Variants in NBPF20 observed in about 807,000 individuals in gnomAD.
NBPF20 encodes NBPF member 20, also known as NBPF family member NBPF20.
NBPF20 carries 90 observed loss-of-function variants against 68.1 expected under a neutral mutation model. That is an observed-to-expected ratio of 1.32 (90% CI 1.11 to 1.58). The LOEUF (loss-of-function observed/expected upper bound fraction) is 1.58, where lower values mean the gene tolerates loss of function less well. Among genes scored for constraint, NBPF20 ranks in the 40% most tolerant of loss-of-function variants. The pLI is 0.00. For missense variants in NBPF20, 816 were observed against 601.2 expected (o/e 1.36, Z -3.74); for synonymous variants, 290 against 228.1 (o/e 1.27, Z -2.45).
At chr1:145,414,955 G>A in the NBPF20 span, among the ~76,000 whole-genome samples, 1 of 152,012 alleles carries the variant, frequency 6.6e-6, no homozygotes, top group Admixed American at 6.6e-5. Flanking sequence ...GAGACACAGA[G>A]ACAAAGTACA....
At chr1:145,419,067 AGGAG>A in the NBPF20 span, among the ~76,000 whole-genome samples, 1 of 136,954 alleles carries the variant, frequency 7.3e-6, no homozygotes, top group African/African-American at 2.7e-5. Context: ...GAGGGAAGGA[AGGAG>A]GAAGGGAGGG....
At position 145,291,992 on chromosome 1, in the gene NBPF20, G is replaced by C. The variant is rs1294239475; in HGVS notation, c.16698-223C>G. On this transcript the variant is annotated intron_variant, in intron 137 of 137. Transcript: ENST00000369373. ...AGAGAGAGAGACAGAGACAGAGAGA[G>C]AGAGAAAGTGACCTAGTGAATTGCC... 6.0e-5 allele frequency among the ~76,000 whole-genome samples: 9 copies of C among 150,120 alleles called. 1 individual carries two copies. The highest frequency in any genetic ancestry group is 2.0e-4 in the African/African-American group (8 of 39,468).
At chr1:145,419,796 G>A in the NBPF20 span, among the ~76,000 whole-genome samples, 1 of 152,184 alleles carries the variant, frequency 6.6e-6, no homozygotes, top group African/African-American at 2.4e-5. Context: ...CTCTAGCCCA[G>A]AGCAGGGCAT....
At chr1:145,295,262 G>T in intron 133 of NBPF20, 4 of 493,150 alleles carry the variant, frequency 8.1e-6, no homozygotes, top group South Asian at 6.3e-5. Context: ...AGTGCCCTCG[G>T]GACACACAGC....
chr1:145,401,696 GGAAAGCAGTTGTAAGTGTTCCCACATTT>G (rs1354214771), intron 4 of NBPF20, among the ~76,000 whole-genome samples: 1 of 148,332 alleles, frequency 6.7e-6, no homozygotes, highest in Admixed American at 6.8e-5. Context: ...ATCTCATTTT[GGAAAGCAGTTGTAAGTGTTCCCACATTT>G]GAATGCTTCA....
the NBPF20 span, among the ~76,000 whole-genome samples, chr1:145,415,439 TG>T: frequency 1.3e-5 from 2 of 151,690 alleles, no homozygotes; most frequent in Non-Finnish European, 2.9e-5. Context: ...GGTGTCGGGC[TG>T]GGGGACAGTC....
chr1:145,407,592 A>G (rs1253152077), upstream of NBPF20, among the ~76,000 whole-genome samples: 1 of 147,532 alleles, frequency 6.8e-6, no homozygotes, highest in Non-Finnish European at 1.5e-5. Flanking sequence ...TATATTATAT[A>G]TATATATTTT....
chr1:145,393,369 G>C (rs1407766464), intron 9 of NBPF20, 123 bp from the exon 15 acceptor site: 1 of 709,920 alleles, frequency 1.4e-6, no homozygotes. Flanking sequence ...CCATTAATGA[G>C]GTAAGAAATT....
At chr1:145,397,327 C>A (rs1442619233) in intron 7 of NBPF20, among the ~76,000 whole-genome samples, 2 of 152,270 alleles carry the variant, frequency 1.3e-5, no homozygotes, top group Admixed American at 6.5e-5. Flanking sequence ...AGTTCTAGAT[C>A]CCTGAGGAAT....
exon 120 of NBPF20, chr1:145,306,064 G>C: frequency 2.2e-6 from 1 of 444,932 alleles, no homozygotes; most frequent in East Asian, 4.5e-5. Flanking sequence ...TCCCTGCTGA[G>C]CCTGGAAAAG....
exon 2 of NBPF20, chr1:145,405,270 C>G (rs1553666888): frequency 6.2e-7 from 1 of 1,607,846 alleles, no homozygotes; most frequent in South Asian, 1.1e-5. Flanking sequence ...CTGATACCAC[C>G]ATGCTGACGT....
chr1:145,314,253 G>GACAC (rs1457617266), intron 109 of NBPF20, among the ~76,000 whole-genome samples: 3 of 136,288 alleles, frequency 2.2e-5, no homozygotes, highest in Non-Finnish European at 3.1e-5. Context: ...CACACACACA[G>GACAC]ACACACACAC....
chr1:145,398,060 A>G (rs1662348401), intron 7 of NBPF20, among the ~76,000 whole-genome samples: 1 of 152,204 alleles, frequency 6.6e-6, no homozygotes, highest in African/African-American at 2.4e-5. Context: ...CACCGTATAC[A>G]GGAGCACCCA....
chr1:145,292,137 T>C (rs1553658003), intron 137 of NBPF20, among the ~76,000 whole-genome samples: 2 of 149,790 alleles, frequency 1.3e-5, no homozygotes, highest in South Asian at 2.1e-4. Context: ...ATGCTCAAAA[T>C]TCGATGCAGT....
In NBPF20 at chr1:145,335,015, G is replaced by T. The variant is rs1356397818; in HGVS notation, c.10052+227C>A. On this transcript the variant is annotated intron_variant, in intron 83 of 137. Transcript: ENST00000369373. ...AACTTGCTCAAGATTCCATGCAGTT[G>T]CCATACAGACTTTGAGGTATGGTCA... 9.5e-4 allele frequency among the ~76,000 whole-genome samples: 55 copies of T among 58,162 alleles called. 2 individuals are homozygous for T. The highest frequency in any genetic ancestry group is 1.8e-3 in the Non-Finnish European group (48 of 26,384). 38.2% of individuals were successfully genotyped at this position (58,162 alleles called of 152,430 possible).
the NBPF20 span, among the ~76,000 whole-genome samples, chr1:145,421,663 TAAC>T: frequency 1.1e-4 from 16 of 152,294 alleles, no homozygotes; most frequent in South Asian, 2.9e-3. Flanking sequence ...ATAATCATAA[TAAC>T]AACAATGAAT....
chr1:145,410,448 A>G (rs1341219704), upstream of NBPF20, among the ~76,000 whole-genome samples: 16 of 149,374 alleles, frequency 1.1e-4, no homozygotes, highest in East Asian at 5.9e-4. Context: ...CCAAGTAGCT[A>G]GGACTACAGG....
chr1:145,394,237 A>T (rs1310309536), intron 8 of NBPF20, among the ~76,000 whole-genome samples: 1 of 151,782 alleles, frequency 6.6e-6, no homozygotes, highest in Non-Finnish European at 1.5e-5. Flanking sequence ...AATAGTTCTA[A>T]CACCTCATAG....
At chr1:145,405,207 C>A (rs373157237) in exon 2 of NBPF20, 163 of 1,611,636 alleles carry the variant, frequency 1.0e-4, no homozygotes, top group Non-Finnish European at 1.3e-4. Flanking sequence ...GGCGCAATTT[C>A]TCGTTGATTT....
Sources: gnomAD v4.1 joint callset for allele counts (sites outside exome capture counted in the v4.1 genomes callset) on GRCh38, gnomAD v4.1.1 for gene constraint, MANE v1.5 for transcripts, NCBI Gene and HGNC (gene_info 2026-07-23, HGNC 2026-07-21) for gene names.